UNC5D: variants seen among roughly 807,000 people sequenced by gnomAD.
The protein encoded by UNC5D is netrin receptor UNC5D.
UNC5D carries 39 observed loss-of-function variants against 105.4 expected under a neutral mutation model. That is an observed-to-expected ratio of 0.37 (90% CI 0.29 to 0.48). UNC5D has a LOEUF of 0.48. Ranked by LOEUF, UNC5D falls within the 20% of genes least tolerant of loss-of-function variation. UNC5D has a pLI of 0.98. For synonymous variants in UNC5D, 452 were observed against 450.4 expected, an observed-to-expected ratio of 1.00 and a Z score of -0.04; for missense variants, 991 against 1,202.4, an observed-to-expected ratio of 0.82 and a Z score of 2.60.
chr8:35,683,335 G>T (rs1278378705), intron 4 of UNC5D, among the ~76,000 whole-genome samples: 1 of 151,980 alleles, frequency 6.6e-6, no homozygotes, highest in South Asian at 2.1e-4. Context: ...TTCTTTTCCT[G>T]CTCCCAACTT....
chr8:35,730,958 C>A, intron 10 of UNC5D, 54 bp from the exon 11 acceptor site: 1 of 1,564,766 alleles, frequency 6.4e-7, no homozygotes, highest in Non-Finnish European at 8.8e-7. Context: ...GAGTGACAAA[C>A]TTCATGATAA....
chr8:35,445,969 G>A (rs1383306731), intron 1 of UNC5D, among the ~76,000 whole-genome samples: 2 of 152,012 alleles, frequency 1.3e-5, no homozygotes, highest in East Asian at 3.9e-4. Flanking sequence ...TTTGCTTAAT[G>A]TATTGTGAAA....
At chr8:35,706,040 C>A in intron 8 of UNC5D, 79 bp downstream of exon 8, 1 of 976,902 alleles carries the variant, frequency 1.0e-6, no homozygotes, top group Non-Finnish European at 1.5e-6. Flanking sequence ...AGGAGCTGAG[C>A]AGAATTGAAG....
chr8:35,413,816 G>A (rs952895207), intron 1 of UNC5D, among the ~76,000 whole-genome samples: 2 of 152,152 alleles, frequency 1.3e-5, no homozygotes, highest in East Asian at 1.9e-4. Context: ...AATCTCTTAA[G>A]TGGGTAGCAG....
At chr8:35,269,935 T>C (rs1585457004) in intron 1 of UNC5D, among the ~76,000 whole-genome samples, 1 of 152,206 alleles carries the variant, frequency 6.6e-6, no homozygotes, top group Admixed American at 6.5e-5. Context: ...ACAGCTTTGA[T>C]GGCATCCCCC....
Position 35,787,884 on chromosome 8 carries a change from C to T in UNC5D, c.2658-2475C>T, listed in dbSNP as rs187008707. Reference sequence around the variant, plus strand: ...ATCCTCCCGCCTGGGCCACCACACTCAGCCAAAACAAATTTCTTAAATAAG... The same window carrying T: ...ATCCTCCCGCCTGGGCCACCACACTTAGCCAAAACAAATTTCTTAAATAAG... On this transcript the variant is annotated intron_variant, in intron 16 of 16. Transcript: ENST00000404895. Among the ~76,000 whole-genome samples the T allele has an allele frequency of 5.3e-5, 8 of 152,230 alleles. No homozygotes were observed. The East Asian group carries it at 1.6e-3, about 30-fold the overall frequency.
Position 35,749,989 on chromosome 8 carries a change from T to TAAAAAAAAA in UNC5D, c.1936-589_1936-581dup, listed in dbSNP as rs11380512. Among the ~76,000 whole-genome samples the TAAAAAAAAA allele has an allele frequency of 6.3e-3, 867 of 136,904 alleles. 23 individuals carry two copies. Among genetic ancestry groups the TAAAAAAAAA allele is most frequent in the African/African-American group, 0.028 (824 of 29,908 alleles). The allele number at this position is 136,904 out of a possible 152,430, so 89.8% of individuals were successfully genotyped here. On this transcript the variant is annotated intron_variant, in intron 12 of 16. Coordinates refer to ENST00000404895, the MANE Select transcript of UNC5D (RefSeq NM_080872.4). ...TTTAAAGAGTTGTCAGAAATAGTTGTAAAAAAAAAAAAGTTTGCTTATTGA... is the reference window on the plus strand; with the variant it reads ...TTTAAAGAGTTGTCAGAAATAGTTGTAAAAAAAAAAAAAAAAAAAAAGTTTGCTTATTGA...
intron 1 of UNC5D, among the ~76,000 whole-genome samples, chr8:35,295,064 T>G (rs1807379560): frequency 6.6e-6 from 1 of 152,194 alleles, no homozygotes; most frequent in Non-Finnish European, 1.5e-5. Context: ...TTGAGCTCAC[T>G]ACAATAGCAA....
intron 1 of UNC5D, among the ~76,000 whole-genome samples, chr8:35,297,610 C>T (rs1449432348): frequency 3.3e-5 from 5 of 152,102 alleles, no homozygotes; most frequent in African/African-American, 1.2e-4. Flanking sequence ...ACAGGCCCAG[C>T]CTTTTCTTTG....
At chr8:35,777,952 G>A (rs1314765522) in intron 16 of UNC5D, among the ~76,000 whole-genome samples, 1 of 152,090 alleles carries the variant, frequency 6.6e-6, no homozygotes, top group East Asian at 1.9e-4. Context: ...CGGGCTCTAG[G>A]TATTTTCATT....
At chr8:35,696,952 CAAAG>C (rs1826824584) in intron 7 of UNC5D, among the ~76,000 whole-genome samples, 1 of 151,980 alleles carries the variant, frequency 6.6e-6, no homozygotes, top group Admixed American at 6.6e-5. Context: ...GAGCTCTAAA[CAAAG>C]AATCAGGAGT....
chr8:35,722,456 A>C (rs1828634657), intron 9 of UNC5D, 61 bp downstream of exon 9: 1 of 1,542,854 alleles, frequency 6.5e-7, no homozygotes, highest in Non-Finnish European at 8.7e-7. Context: ...CTCACACTAG[A>C]CCCCAGCCTT....
In UNC5D at chr8:35,790,632, G is replaced by C; in HGVS notation, c.*69G>C. 6.4e-7 allele frequency: 1 copy of C among 1,552,436 alleles called. No individual in the cohort carries two copies. The highest frequency in any genetic ancestry group is 8.8e-7 in the Non-Finnish European group (1 of 1,133,552). ...ATTTGCTTTAAATGGGAAAGAGGCC[G>C]CTTTCTGCCCAGTGGCGTTGGGGGA... is the stretch of plus-strand genomic sequence containing the variant. On this transcript the variant is annotated 3_prime_UTR_variant, in exon 17 of 17. Transcript: ENST00000404895.
chr8:35,410,399 G>A lies in UNC5D; in HGVS notation c.104-138893G>A, dbSNP rs543636201. On this transcript the variant is annotated intron_variant, in intron 1 of 16. Coordinates refer to ENST00000404895, the MANE Select transcript of UNC5D (RefSeq NM_080872.4). ...TGATGTTCTAGCAGTACCATGGAAG[G>A]GTTTGTTTCTTCTTTGAATAGGGGA... Among the ~76,000 whole-genome samples the A allele has an allele frequency of 7.2e-5, 11 of 152,032 alleles. No homozygotes were observed. The South Asian group carries it at 2.1e-3, about 29-fold the overall frequency.
intron 4 of UNC5D, among the ~76,000 whole-genome samples, chr8:35,670,931 T>C (rs1824753645): frequency 6.6e-6 from 1 of 152,164 alleles, no homozygotes; most frequent in Admixed American, 6.6e-5. Context: ...GTTCAGTTAT[T>C]TTTAGATGAT....
At chr8:35,629,063 C>A (rs935478200) in intron 4 of UNC5D, among the ~76,000 whole-genome samples, 2 of 152,046 alleles carry the variant, frequency 1.3e-5, no homozygotes, top group Non-Finnish European at 2.9e-5. Flanking sequence ...GTTTCTAATT[C>A]TTTGCCTTTC....
At chr8:35,477,947 A>ATCC in intron 1 of UNC5D, among the ~76,000 whole-genome samples, 1 of 152,168 alleles carries the variant, frequency 6.6e-6, no homozygotes, top group Non-Finnish European at 1.5e-5. Flanking sequence ...AATAAAAGTA[A>ATCC]ATAGAATGGA....
intron 2 of UNC5D, among the ~76,000 whole-genome samples, chr8:35,550,016 G>C (rs910329611): frequency 9.2e-5 from 13 of 141,292 alleles, no homozygotes; most frequent in Non-Finnish European, 1.6e-4. Context: ...CCATATCCTA[G>C]CAGGATCTCC....
chr8:35,245,848 G>A (rs1585400333), intron 1 of UNC5D, among the ~76,000 whole-genome samples: 1 of 152,040 alleles, frequency 6.6e-6, no homozygotes, highest in East Asian at 1.9e-4. Flanking sequence ...CATCATCATA[G>A]CAAACTTAGA....
Sources: allele counts gnomAD v4.1 joint callset (sites outside exome capture counted in the v4.1 genomes callset), GRCh38; gene constraint gnomAD v4.1.1; transcripts MANE v1.5; gene names NCBI Gene and HGNC (gene_info 2026-07-23, HGNC 2026-07-21).